Variants in TDRD12 observed in about 807,000 individuals in gnomAD.
The protein encoded by TDRD12 is putative ATP-dependent RNA helicase TDRD12.
Under a neutral mutation model 133.5 loss-of-function variants are expected in TDRD12, and 158 were observed. The observed-to-expected ratio is 1.18, with a 90% confidence interval of 1.04 to 1.35. TDRD12 has a LOEUF of 1.35. Ranked by LOEUF, TDRD12 falls within the 40% of genes most tolerant of loss-of-function variation. TDRD12 has a pLI of 0.00. For synonymous variants in TDRD12, 460 were observed against 477.9 expected, an observed-to-expected ratio of 0.96 and a Z score of 0.49; for missense variants, 1,443 against 1,321.3, an observed-to-expected ratio of 1.09 and a Z score of -1.43.
chr19:32,821,352 A>G (rs866722556), downstream of TDRD12: 270 of 572,394 alleles, frequency 4.7e-4, 1 homozygote, highest in Admixed American at 3.7e-3. Flanking sequence ...ACAGATGTTA[A>G]GTGAACAGCT....
chr19:32,735,576 A>G (rs911109244), intron 2 of TDRD12, among the ~76,000 whole-genome samples: 2 of 152,296 alleles, frequency 1.3e-5, no homozygotes, highest in African/African-American at 4.8e-5. Context: ...AGATGTAGCT[A>G]TGATCATTGT....
intron 8 of TDRD12, among the ~76,000 whole-genome samples, chr19:32,767,575 G>C (rs1673281850): frequency 6.6e-6 from 1 of 152,214 alleles, no homozygotes; most frequent in South Asian, 2.1e-4. Context: ...GGTCATCAGA[G>C]TCTGTGCTGT....
intron 13 of TDRD12, among the ~76,000 whole-genome samples, chr19:32,794,092 CTTTTTTTTTTTTTTTT>C (rs751938374): frequency 3.4e-4 from 17 of 49,858 alleles, no homozygotes; most frequent in African/African-American, 1.2e-3. Flanking sequence ...CTGTGCCTGG[CTTTTTTTTTTTTTTTT>C]TTTTTTTTTT....
exon 4 of TDRD12, chr19:32,742,811 G>A (rs1169002868): frequency 7.1e-6 from 11 of 1,551,706 alleles, no homozygotes; most frequent in Non-Finnish European, 9.6e-6. Context: ...CGTTTATGCA[G>A]CTTCCCTATA....
At chr19:32,801,965 C>T in intron 19 of TDRD12, 92 bp downstream of exon 19, 1 of 471,392 alleles carries the variant, frequency 2.1e-6, no homozygotes, top group Non-Finnish European at 3.6e-6. Flanking sequence ...CTCCAGATTT[C>T]TCATTATTCC....
chr19:32,785,265 C>T (rs776956469), intron 11 of TDRD12, among the ~76,000 whole-genome samples: 2 of 152,074 alleles, frequency 1.3e-5, no homozygotes, highest in Non-Finnish European at 2.9e-5. Context: ...TGTAGTTGTG[C>T]GGTTTTGAGT....
chr19:32,790,700 A>T (rs1388655997), intron 12 of TDRD12, 109 bp downstream of exon 12: 4 of 1,551,108 alleles, frequency 2.6e-6, no homozygotes, highest in Non-Finnish European at 3.5e-6. Flanking sequence ...GAAACTCCTT[A>T]GATGGGGGAC....
chr19:32,804,621 A>T (rs1971491020), intron 21 of TDRD12, among the ~76,000 whole-genome samples: 1 of 150,662 alleles, frequency 6.6e-6, no homozygotes, highest in African/African-American at 2.4e-5. Context: ...TGAACCCTGG[A>T]GGCAGAGGTT....
exon 23 of TDRD12, chr19:32,810,115 A>G: frequency 6.6e-7 from 1 of 1,522,616 alleles, no homozygotes. Context: ...TATATTTTGA[A>G]TGCAACAAAT....
At chr19:32,744,499 CAAAAA>C (rs10644749) in intron 4 of TDRD12, among the ~76,000 whole-genome samples, 2 of 38,088 alleles carry the variant, frequency 5.3e-5, no homozygotes, top group African/African-American at 1.0e-4. Context: ...GACTCCGTCT[CAAAAA>C]AAAAAAAAAA....
At chr19:32,753,672 T>A (rs923738740) in intron 6 of TDRD12, among the ~76,000 whole-genome samples, 628 of 53,846 alleles carry the variant, frequency 0.012, 4 homozygotes, top group African/African-American at 0.047. Context: ...CCTGGCTAAT[T>A]TTTTTTTTTT....
rs558703557 is a variant in TDRD12, at chr19:32,799,166, A to G, written c.1758+731A>G. On this transcript the variant is annotated intron_variant, in intron 16 of 27. Transcript: ENST00000444215. ...TGGAAGCAGTGTCACACAGTCACCA[A>G]GGGTATGCACTTGGGAGTAATGATG... Among the ~76,000 whole-genome samples, 8 of 152,306 alleles carry G rather than the reference A, an allele frequency of 5.3e-5. No individual in the cohort carries two copies. In the South Asian group the frequency reaches 1.7e-3, roughly 32 times the overall value.
At chr19:32,740,526 T>C (rs1437428930) in intron 3 of TDRD12, among the ~76,000 whole-genome samples, 1 of 151,970 alleles carries the variant, frequency 6.6e-6, no homozygotes, top group Non-Finnish European at 1.5e-5. Context: ...TCTCTGCATT[T>C]CCTGGCTGCT....
intron 18 of TDRD12, 143 bp downstream of exon 18, chr19:32,800,915 G>T: frequency 1.1e-6 from 1 of 877,752 alleles, no homozygotes; most frequent in Non-Finnish European, 1.6e-6. Flanking sequence ...AGGAGGTGGG[G>T]TCTTCTCACA....
chr19:32,720,046 G>T, exon 1 of TDRD12: 1 of 1,547,698 alleles, frequency 6.5e-7, no homozygotes, highest in South Asian at 1.2e-5. Flanking sequence ...GGGCGAGGGG[G>T]CCCATCTGCC....
chr19:32,813,980 G>A (rs1396919046), intron 25 of TDRD12, among the ~76,000 whole-genome samples: 4 of 152,168 alleles, frequency 2.6e-5, no homozygotes, highest in Non-Finnish European at 5.9e-5. Flanking sequence ...ATTTTACATT[G>A]TAACCCCAGC....
intron 4 of TDRD12, among the ~76,000 whole-genome samples, chr19:32,746,122 CTG>C (rs758971530): frequency 7.5e-6 from 1 of 133,830 alleles, no homozygotes; most frequent in East Asian, 2.3e-4. Context: ...TGTGGTTATT[CTG>C]TGTGAGAGAG....
intron 8 of TDRD12, among the ~76,000 whole-genome samples, chr19:32,759,697 A>T (rs2145559516): frequency 6.6e-6 from 1 of 152,332 alleles, no homozygotes; most frequent in African/African-American, 2.4e-5. Context: ...TTTTTATTTC[A>T]CAGAAATGGG....
chr19:32,793,385 G>T (rs186998174), intron 13 of TDRD12, among the ~76,000 whole-genome samples: 2 of 152,104 alleles, frequency 1.3e-5, no homozygotes, highest in Non-Finnish European at 2.9e-5. Flanking sequence ...GAAGTAACCC[G>T]AGAAAGATGA....
Sources: gnomAD v4.1 joint callset for allele counts (sites outside exome capture counted in the v4.1 genomes callset) on GRCh38, gnomAD v4.1.1 for gene constraint, MANE v1.5 for transcripts, NCBI Gene and HGNC (gene_info 2026-07-23, HGNC 2026-07-21) for gene names.